Variants in HS3ST2 observed in about 807,000 individuals in gnomAD.
HS3ST2 encodes heparan sulfate-glucosamine 3-sulfotransferase 2, also known as heparan sulfate glucosamine 3-O-sulfotransferase 2.
In HS3ST2, 17 loss-of-function variants were observed where a neutral mutation model predicts 26.3. The ratio of observed to expected loss-of-function variants is 0.65; its 90% CI spans 0.44 to 0.97. The LOEUF is 0.97. HS3ST2 is among the 50% of genes least tolerant of loss of function. HS3ST2 has a pLI of 0.00. For missense variants in HS3ST2, 402 were observed against 501.2 expected (o/e 0.80, Z 1.89); for synonymous variants, 237 against 219.2 (o/e 1.08, Z -0.72).
intron 1 of HS3ST2, among the ~76,000 whole-genome samples, chr16:22,851,615 A>G (rs911970200): frequency 5.3e-5 from 8 of 152,176 alleles, no homozygotes; most frequent in Non-Finnish European, 7.3e-5. Context: ...TACTTTCCTG[A>G]TTCCTGGGAG....
intron 1 of HS3ST2, among the ~76,000 whole-genome samples, chr16:22,822,547 A>G (rs536760371): frequency 6.6e-6 from 1 of 152,196 alleles, no homozygotes; most frequent in Non-Finnish European, 1.5e-5. Flanking sequence ...TTCAGTTTAT[A>G]TATTTTAGAA....
At chr16:22,878,363 A>C (rs1378433798) in intron 1 of HS3ST2, among the ~76,000 whole-genome samples, 1 of 152,190 alleles carries the variant, frequency 6.6e-6, no homozygotes, top group African/African-American at 2.4e-5. Flanking sequence ...CTGATTAGAC[A>C]CTGTTGCCCG....
At chr16:22,859,878 G>A (rs1017377121) in intron 1 of HS3ST2, among the ~76,000 whole-genome samples, 4 of 152,162 alleles carry the variant, frequency 2.6e-5, no homozygotes, top group African/African-American at 9.6e-5. Context: ...ATGTAGGGGT[G>A]ATTGGCAGTG....
chr16:22,873,976 C>T (rs894761112), intron 1 of HS3ST2, among the ~76,000 whole-genome samples: 3 of 152,150 alleles, frequency 2.0e-5, no homozygotes, highest in South Asian at 2.1e-4. Flanking sequence ...CACAGGGTTC[C>T]GGGAATAGCA....
intron 1 of HS3ST2, among the ~76,000 whole-genome samples, chr16:22,823,768 T>C (rs771883841): frequency 6.6e-5 from 10 of 152,018 alleles, no homozygotes; most frequent in Admixed American, 5.2e-4. Flanking sequence ...GCCTGGGTGA[T>C]AGAGTGAGAC....
chr16:22,849,949 AG>A (rs1414849731), intron 1 of HS3ST2, among the ~76,000 whole-genome samples: 1 of 152,232 alleles, frequency 6.6e-6, no homozygotes, highest in African/African-American at 2.4e-5. Context: ...AGGGGAATAC[AG>A]CGCATTACTG....
chr16:22,899,471 A>G (rs1902253903), intron 1 of HS3ST2, among the ~76,000 whole-genome samples: 1 of 152,228 alleles, frequency 6.6e-6, no homozygotes, highest in African/African-American at 2.4e-5. Flanking sequence ...GGTCATTTGC[A>G]GAGAAAGGGA....
At chr16:22,911,088 A>G (rs1009345463) in intron 1 of HS3ST2, among the ~76,000 whole-genome samples, 2 of 152,210 alleles carry the variant, frequency 1.3e-5, no homozygotes, top group African/African-American at 4.8e-5. Context: ...GACAAATATA[A>G]GATCACTGAG....
intron 1 of HS3ST2, among the ~76,000 whole-genome samples, chr16:22,888,643 G>T (rs1390857290): frequency 6.6e-6 from 1 of 151,880 alleles, no homozygotes; most frequent in Non-Finnish European, 1.5e-5. Flanking sequence ...CCTCGGCCTG[G>T]CAAAGTGCTG....
At chr16:22,881,974 G>T (rs1901995369) in intron 1 of HS3ST2, among the ~76,000 whole-genome samples, 2 of 152,230 alleles carry the variant, frequency 1.3e-5, no homozygotes, top group African/African-American at 4.8e-5. Context: ...TTGTTTGTTT[G>T]TAGCTGTTGA....
chr16:22,815,598 A>C (rs1900852921), intron 1 of HS3ST2, among the ~76,000 whole-genome samples: 1 of 152,176 alleles, frequency 6.6e-6, no homozygotes, highest in Non-Finnish European at 1.5e-5. Flanking sequence ...AGAGGTCTCC[A>C]GTAAGAAAGA....
At chr16:22,842,864 G>A (rs945162164) in intron 1 of HS3ST2, among the ~76,000 whole-genome samples, 6 of 152,086 alleles carry the variant, frequency 3.9e-5, no homozygotes, top group Non-Finnish European at 7.4e-5. Context: ...AACAAGGCTC[G>A]ATTTGGAAAG....
At chr16:22,898,177 G>A (rs1902231993) in intron 1 of HS3ST2, among the ~76,000 whole-genome samples, 1 of 152,230 alleles carries the variant, frequency 6.6e-6, no homozygotes, top group Non-Finnish European at 1.5e-5. Flanking sequence ...AAGGACTGAA[G>A]ATACCACAGC....
rs10622829 is a variant in HS3ST2 at position 22,887,786 on chromosome 16, G to GAAA, written c.486-27147_486-27145dup. 4.0e-3 allele frequency among the ~76,000 whole-genome samples: 586 copies of GAAA among 146,102 alleles called. 3 individuals carry two copies. The highest frequency in any genetic ancestry group is 9.8e-3 in the African/African-American group (388 of 39,722). ...ATATAACGAGACCCCATCTCTACGG[G>GAAA]AAAAAAAAAAAAACTAGCCAGGCAT... On this transcript the variant is annotated intron_variant, in intron 1 of 1. Transcript: ENST00000261374.
chr16:22,827,646 G>T (rs1901108105), intron 1 of HS3ST2, among the ~76,000 whole-genome samples: 1 of 151,876 alleles, frequency 6.6e-6, no homozygotes, highest in African/African-American at 2.4e-5. Context: ...TTGCTGCTGA[G>T]GTTGATGATG....
chr16:22,814,617 T>G lies in HS3ST2; in HGVS notation c.7T>G (p.Tyr3Asp). MA[Y>D]RVLGRAGPPQ... is the part of the protein sequence containing the mutation. ...GGCGCGGGCCCATGGAGCCATGGCCTATAGGGTCCTGGGCCGCGCGGGGCC... is the reference window on the plus strand; with the variant it reads ...GGCGCGGGCCCATGGAGCCATGGCCGATAGGGTCCTGGGCCGCGCGGGGCC... Residue 3 changes from tyrosine (Y) to aspartate (D), a missense_variant, in exon 1 of 2, where the codon TAT becomes GAT. This residue lies in a region of HS3ST2 where 165 missense variants were observed against 154.6 expected (regional missense o/e 1.07). Coordinates refer to ENST00000261374, the MANE Select transcript of HS3ST2 (RefSeq NM_006043.2). The G allele has an allele frequency of 3.2e-6, 5 of 1,543,740 alleles. No homozygotes were observed. The highest frequency in any genetic ancestry group is 4.4e-6 in the Non-Finnish European group (5 of 1,145,982).
chr16:22,862,405 T>C (rs1194789874), intron 1 of HS3ST2, among the ~76,000 whole-genome samples: 5 of 151,552 alleles, frequency 3.3e-5, no homozygotes, highest in Admixed American at 3.3e-4. Context: ...AAGGGCAAAC[T>C]AACCAGGCAC....
chr16:22,876,123 C>T (rs1901912645), intron 1 of HS3ST2, among the ~76,000 whole-genome samples: 1 of 152,156 alleles, frequency 6.6e-6, no homozygotes, highest in South Asian at 2.1e-4. Context: ...CCTTTCTTCC[C>T]TCCCAAGTTC....
chr16:22,855,186 C>A (rs1901572317), intron 1 of HS3ST2, among the ~76,000 whole-genome samples: 1 of 152,066 alleles, frequency 6.6e-6, no homozygotes. Context: ...CACATTTCTC[C>A]CCTTGTTTAT....
Sources: gnomAD v4.1 joint callset for allele counts (sites outside exome capture counted in the v4.1 genomes callset) on GRCh38, gnomAD v4.1.1 for gene constraint, gnomAD v4.1.1 regional missense constraint, MANE v1.5 for transcripts, NCBI Gene and HGNC (gene_info 2026-07-23, HGNC 2026-07-21) for gene names.